CR1: variants seen among roughly 807,000 people sequenced by gnomAD.
CR1 encodes complement C3b/C4b receptor 1 (Knops blood group), also known as complement receptor type 1.
In CR1, 116 loss-of-function variants were observed where a neutral mutation model predicts 187.3. That is an observed-to-expected ratio of 0.62 (90% CI 0.53 to 0.72). The LOEUF is 0.72. Among genes scored for constraint, CR1 ranks in the 30% least tolerant of loss-of-function variants. The pLI, the probability that CR1 is intolerant of heterozygous loss-of-function variation, is 0.00. For missense variants in CR1, 1,731 were observed against 2,110.7 expected, an observed-to-expected ratio of 0.82 and a Z score of 3.52; for synonymous variants, 576 against 747.1, an observed-to-expected ratio of 0.77 and a Z score of 3.73.
chr1:207,581,551 A>C (rs1019338824), intron 31 of CR1, among the ~76,000 whole-genome samples: 4 of 152,050 alleles, frequency 2.6e-5, no homozygotes, highest in Non-Finnish European at 5.9e-5. Flanking sequence ...TATATAAGAG[A>C]AAGTTGTATA....
chr1:207,623,366 G>A (rs540129387), intron 45 of CR1, among the ~76,000 whole-genome samples: 192 of 152,264 alleles, frequency 1.3e-3, no homozygotes, highest in African/African-American at 4.4e-3. Flanking sequence ...CAGATCACTA[G>A]AGGCCAGGGG....
intron 35 of CR1, among the ~76,000 whole-genome samples, chr1:207,597,368 G>C (rs541050337): frequency 6.6e-5 from 10 of 152,186 alleles, no homozygotes; most frequent in African/African-American, 2.4e-4. Flanking sequence ...AAAATACTTA[G>C]GAATCAATTT....
intron 35 of CR1, among the ~76,000 whole-genome samples, chr1:207,595,739 A>G (rs1661411687): frequency 6.6e-6 from 1 of 151,522 alleles, no homozygotes; most frequent in Admixed American, 6.6e-5. Flanking sequence ...GAAGAAATCA[A>G]AATTCCAAAT....
At chr1:207,498,877 C>CAAAAAAAAAAA (rs56044498) in intron 1 of CR1, among the ~76,000 whole-genome samples, 7,187 of 49,180 alleles carry the variant, frequency 0.15, 1,129 homozygotes, top group East Asian at 0.26. Context: ...AACTCCAAAT[C>CAAAAAAAAAAA]AAAAAAAAAA....
Position 207,523,771 on chromosome 1 carries a change from C to T in CR1, c.648C>T (p.Thr216=). 5.0e-6 allele frequency: 8 copies of T among 1,611,996 alleles called. No individual in the cohort carries two copies. The highest frequency in any genetic ancestry group is 6.8e-6 in the Non-Finnish European group (8 of 1,179,764). Residue 216 remains threonine (T), a synonymous_variant, in exon 5 of 47, where the codon ACC becomes ACT. Transcript: ENST00000367049. ...ELVGEPSIYC[T]SNDDQVGIWS... is the part of the protein sequence containing the mutation. ...TGGGTGAGCCCTCCATATACTGCAC[C>T]AGCAATGACGATCAAGTGGGCATCT...
chr1:207,612,047 T>A lies in CR1; in HGVS notation c.6575+6T>A, dbSNP rs1179183686. Reference sequence around the variant, plus strand: ...TCCTTTGTTTGCGATGAAGGGTGAGTGTGACCCAGCGTTGAGACCAAGGAC... The same window carrying A: ...TCCTTTGTTTGCGATGAAGGGTGAGAGTGACCCAGCGTTGAGACCAAGGAC... On this transcript the variant is annotated splice_donor_region_variant and intron_variant, in intron 39 of 46. Transcript: ENST00000367049. 1 of 1,613,298 alleles carries A rather than the reference T, an allele frequency of 6.2e-7. No homozygotes were observed. The highest frequency in any genetic ancestry group is 1.3e-5 in the African/African-American group (1 of 74,884).
chr1:207,590,003 G>A lies in CR1; in HGVS notation c.5810+1229G>A, dbSNP rs1337803136. 1.6e-4 allele frequency among the ~76,000 whole-genome samples: 24 copies of A among 146,132 alleles called. No individual in the cohort carries two copies. In the East Asian group the frequency reaches 3.1e-3, roughly 19 times the overall value. Reference sequence around the variant, plus strand: ...TTTGATTGGTGTACCTGAAAGTGACGGGGAGAATGGAACCAAGTTGGAAAA... The same window carrying A: ...TTTGATTGGTGTACCTGAAAGTGACAGGGAGAATGGAACCAAGTTGGAAAA... On this transcript the variant is annotated intron_variant, in intron 35 of 46. Coordinates refer to ENST00000367049, the MANE Select transcript of CR1 (RefSeq NM_000651.6).
chr1:207,591,921 A>G (rs1269989928), intron 35 of CR1, among the ~76,000 whole-genome samples: 5 of 152,214 alleles, frequency 3.3e-5, no homozygotes, highest in Non-Finnish European at 7.3e-5. Flanking sequence ...TGAATAGGCC[A>G]AAAACAAGTT....
At chr1:207,597,713 A>C (rs1447762220) in intron 35 of CR1, among the ~76,000 whole-genome samples, 1 of 152,236 alleles carries the variant, frequency 6.6e-6, no homozygotes, top group African/African-American at 2.4e-5. Flanking sequence ...TTAAACATAG[A>C]ATTACCATAT....
intron 46 of CR1, among the ~76,000 whole-genome samples, chr1:207,634,041 C>G (rs540675375): frequency 6.6e-6 from 1 of 152,010 alleles, no homozygotes; most frequent in Non-Finnish European, 1.5e-5. Context: ...AGGCAAGGAC[C>G]GGCCATTTAC....
At chr1:207,511,186 T>A (rs1292425772) in intron 3 of CR1, among the ~76,000 whole-genome samples, 1 of 152,132 alleles carries the variant, frequency 6.6e-6, no homozygotes, top group African/African-American at 2.4e-5. Flanking sequence ...GCATCCATAC[T>A]TTTAAGGCAA....
intron 35 of CR1, among the ~76,000 whole-genome samples, chr1:207,606,278 G>A (rs1228573090): frequency 1.3e-5 from 2 of 152,130 alleles, no homozygotes; most frequent in Non-Finnish European, 2.9e-5. Context: ...ACATCCTCTG[G>A]CCAGAAGTTA....
rs963124820 is a variant in CR1, at chr1:207,618,559, A to C, written c.7066+312A>C. ...AGTCTATTTTTAACAAACTCATCAG[A>C]ATGCTCTGATGCAGGAAGACCACAG... On this transcript the variant is annotated intron_variant, in intron 42 of 46. Transcript: ENST00000367049. 4.6e-5 allele frequency among the ~76,000 whole-genome samples: 7 copies of C among 152,142 alleles called. No individual in the cohort carries two copies. In the East Asian group the frequency reaches 1.3e-3, roughly 29 times the overall value.
chr1:207,639,024 A>ATT (rs1662901615), intron 46 of CR1, among the ~76,000 whole-genome samples: 1 of 152,232 alleles, frequency 6.6e-6, no homozygotes, highest in African/African-American at 2.4e-5. Flanking sequence ...TGAGGAACAA[A>ATT]GGGCTGAATT....
intron 42 of CR1, 48 bp downstream of exon 42, chr1:207,618,295 G>A (rs1314628834): frequency 1.3e-6 from 2 of 1,555,706 alleles, no homozygotes; most frequent in African/African-American, 1.4e-5. Context: ...TGTATGGAAT[G>A]CATGAGGCTT....
chr1:207,509,140 T>C (rs1358784495), intron 3 of CR1, among the ~76,000 whole-genome samples: 2 of 152,196 alleles, frequency 1.3e-5, no homozygotes, highest in Admixed American at 1.3e-4. Flanking sequence ...TCAAGGCACA[T>C]AGATTAAGAA....
At chr1:207,496,574 C>T (rs958710522) in intron 1 of CR1, among the ~76,000 whole-genome samples, 186 bp downstream of exon 1, 1 of 152,210 alleles carries the variant, frequency 6.6e-6, no homozygotes, top group African/African-American at 2.4e-5. Flanking sequence ...CACTGGAGAC[C>T]CTCGCTGCTT....
At chr1:207,566,067 G>T in intron 24 of CR1, 144 bp downstream of exon 24, 1 of 1,190,790 alleles carries the variant, frequency 8.4e-7, no homozygotes, top group Non-Finnish European at 1.2e-6. Context: ...ATGTTTGGTT[G>T]TGAATCAATA....
intron 1 of CR1, among the ~76,000 whole-genome samples, 190 bp downstream of exon 1, chr1:207,496,578 G>C (rs1466899895): frequency 3.9e-5 from 6 of 152,220 alleles, no homozygotes; most frequent in Non-Finnish European, 8.8e-5. Flanking sequence ...GGAGACCCTC[G>C]CTGCTTCTGG....
Sources: gnomAD v4.1 joint callset for allele counts (sites outside exome capture counted in the v4.1 genomes callset) on GRCh38, gnomAD v4.1.1 for gene constraint, MANE v1.5 for transcripts, NCBI Gene and HGNC (gene_info 2026-07-23, HGNC 2026-07-21) for gene names.